The following EPHB1 variants were observed in gnomAD, a reference collection of about 807,000 sequenced individuals.
The protein encoded by EPHB1 is ephrin type-B receptor 1.
EPHB1 carries 30 observed loss-of-function variants against 94.4 expected under a neutral mutation model. The ratio of observed to expected loss-of-function variants is 0.32; its 90% CI spans 0.24 to 0.43. EPHB1 has a LOEUF of 0.43. Among genes scored for constraint, EPHB1 ranks in the 20% least tolerant of loss-of-function variants. The probability of loss-of-function intolerance (pLI) is 1.00; values close to 1 mark genes in which losing one functional copy is unlikely to be tolerated. For synonymous variants in EPHB1, 522 were observed against 489.1 expected (o/e 1.07, Z -0.89); for missense variants, 1,055 against 1,308.3 (o/e 0.81, Z 2.99).
intron 3 of EPHB1, among the ~76,000 whole-genome samples, chr3:134,994,934 A>G (rs997519642): frequency 6.6e-6 from 1 of 152,040 alleles, no homozygotes; most frequent in Non-Finnish European, 1.5e-5. Flanking sequence ...CAGGAAATTA[A>G]CTTTGATACA....
At chr3:135,147,800 G>A (rs544944482) in intron 5 of EPHB1, among the ~76,000 whole-genome samples, 10 of 152,326 alleles carry the variant, frequency 6.6e-5, no homozygotes, top group Admixed American at 5.9e-4. Flanking sequence ...GGCAGAGGCA[G>A]CTCAGCTGTG....
At chr3:134,829,873 G>A (rs2036549707) in intron 1 of EPHB1, among the ~76,000 whole-genome samples, 1 of 152,180 alleles carries the variant, frequency 6.6e-6, no homozygotes, top group South Asian at 2.1e-4. Context: ...TCAGAGTGAT[G>A]TGTCTGTGAG....
chr3:134,877,103 G>C (rs560335783), intron 1 of EPHB1, among the ~76,000 whole-genome samples: 5 of 152,274 alleles, frequency 3.3e-5, no homozygotes, highest in Admixed American at 2.0e-4. Flanking sequence ...GCAGAGTCTG[G>C]AGTTAGATGG....
intron 12 of EPHB1, among the ~76,000 whole-genome samples, chr3:135,202,015 G>T (rs188435903): frequency 6.6e-6 from 1 of 152,154 alleles, no homozygotes; most frequent in African/African-American, 2.4e-5. Context: ...AGAGGCATCT[G>T]TCAGCAGAGA....
intron 3 of EPHB1, among the ~76,000 whole-genome samples, chr3:135,099,031 A>G (rs2107795540): frequency 6.6e-6 from 1 of 151,728 alleles, no homozygotes; most frequent in South Asian, 2.1e-4. Flanking sequence ...AAAAAAAAAA[A>G]AAAAAAAGGG....
At chr3:135,257,156 G>A (rs1158710090) in intron 15 of EPHB1, among the ~76,000 whole-genome samples, 1 of 151,402 alleles carries the variant, frequency 6.6e-6, no homozygotes, top group Non-Finnish European at 1.5e-5. Flanking sequence ...TTTGCCTTTG[G>A]TTTGAATGTC....
intron 1 of EPHB1, among the ~76,000 whole-genome samples, chr3:134,877,085 C>T (rs1364662011): frequency 6.6e-6 from 1 of 152,190 alleles, no homozygotes; most frequent in African/African-American, 2.4e-5. Flanking sequence ...TAAATAGAGC[C>T]ATGCTGAGCA....
chr3:134,837,354 A>C (rs1260952855), intron 1 of EPHB1, among the ~76,000 whole-genome samples: 1 of 152,254 alleles, frequency 6.6e-6, no homozygotes, highest in Non-Finnish European at 1.5e-5. Flanking sequence ...GTTGAAATTA[A>C]TTTTAAACAT....
At chr3:135,032,527 G>A (rs765211688) in intron 3 of EPHB1, among the ~76,000 whole-genome samples, 1 of 151,984 alleles carries the variant, frequency 6.6e-6, no homozygotes, top group Non-Finnish European at 1.5e-5. Flanking sequence ...TGTTACCTCA[G>A]ACTGAGGGCT....
intron 3 of EPHB1, among the ~76,000 whole-genome samples, chr3:135,038,255 C>A (rs1441225399): frequency 7.9e-5 from 12 of 152,274 alleles, no homozygotes; most frequent in Middle Eastern, 3.4e-3. Flanking sequence ...AGAGATGGTG[C>A]CCATTTCTCC....
At chr3:134,959,707 A>G (rs899679175) in intron 3 of EPHB1, among the ~76,000 whole-genome samples, 6 of 152,142 alleles carry the variant, frequency 3.9e-5, no homozygotes, top group Non-Finnish European at 7.4e-5. Context: ...ACAGCCCCTC[A>G]GAGGGCAATC....
chr3:134,847,978 G>A lies in EPHB1; in HGVS notation c.58+52289G>A, dbSNP rs116625528. 5.8e-3 allele frequency among the ~76,000 whole-genome samples: 881 copies of A among 152,232 alleles called. 9 individuals are homozygous for A. Among genetic ancestry groups the A allele is most frequent in the African/African-American group, 0.02 (838 of 41,520 alleles). ...TGTTCATTAGGAACCTTTAATTAAC[G>A]AACCTTTGCATTTCAGAGAGATGCA... On this transcript the variant is annotated intron_variant, in intron 1 of 15. Coordinates refer to ENST00000398015, the MANE Select transcript of EPHB1 (RefSeq NM_004441.5).
intron 4 of EPHB1, among the ~76,000 whole-genome samples, chr3:135,118,153 C>T (rs1939788633): frequency 6.6e-6 from 1 of 152,180 alleles, no homozygotes; most frequent in African/African-American, 2.4e-5. Flanking sequence ...GGGACAGGGT[C>T]TGCATGAGGC....
chr3:134,929,316 G>A (rs1287528620), intron 2 of EPHB1, among the ~76,000 whole-genome samples: 2 of 152,200 alleles, frequency 1.3e-5, no homozygotes, highest in Non-Finnish European at 2.9e-5. Context: ...GGCATGTGGA[G>A]TCCAGGTAGC....
intron 1 of EPHB1, among the ~76,000 whole-genome samples, chr3:134,821,373 A>AT (rs1295633950): frequency 6.6e-6 from 1 of 152,182 alleles, no homozygotes; most frequent in Non-Finnish European, 1.5e-5. Context: ...CCATCACAGG[A>AT]TTTTTAAAGT....
Position 135,249,403 on chromosome 3 carries a change from C to T in EPHB1, c.2758C>T (p.Leu920Phe). 6.2e-7 allele frequency: 1 copy of T among 1,614,044 alleles called. No homozygotes were observed. Among genetic ancestry groups the T allele is most frequent in the South Asian group, 1.1e-5 (1 of 91,086 alleles). ...FTAFTTVDDWLSAIKMVQYRD... is the reference protein window; with the variant it reads ...FTAFTTVDDWFSAIKMVQYRD... ...GGCCTTTACCACCGTGGATGACTGGCTCAGCGCCATCAAAATGGTCCAGTA... is the reference window on the plus strand; with the variant it reads ...GGCCTTTACCACCGTGGATGACTGGTTCAGCGCCATCAAAATGGTCCAGTA... The change falls in exon 15 of 16, where the codon CTC (leucine) becomes TTC (phenylalanine). Residue 920 changes from leucine (L) to phenylalanine (F), a missense_variant. Physicochemically the swap from Leu to Phe is conservative, Grantham distance 22. Transcript: ENST00000398015.
intron 5 of EPHB1, among the ~76,000 whole-genome samples, chr3:135,148,780 A>G (rs1401310636): frequency 6.6e-6 from 1 of 152,190 alleles, no homozygotes; most frequent in Non-Finnish European, 1.5e-5. Flanking sequence ...TTTGGTGGCA[A>G]AAACAGAGAC....
intron 3 of EPHB1, among the ~76,000 whole-genome samples, chr3:135,023,766 CTAGTTTT>C (rs139164102): frequency 0.022 from 3,351 of 152,176 alleles, 58 homozygotes; most frequent in South Asian, 0.051. Flanking sequence ...GTTTTTACTT[CTAGTTTT>C]TATGGTATTT....
intron 1 of EPHB1, among the ~76,000 whole-genome samples, chr3:134,909,654 A>T (rs2038411672): frequency 6.6e-6 from 1 of 152,208 alleles, no homozygotes. Flanking sequence ...TCAGTTCAGA[A>T]GGAAGAGAAC....
Sources: gnomAD v4.1 joint callset for allele counts (sites outside exome capture counted in the v4.1 genomes callset) on GRCh38, gnomAD v4.1.1 for gene constraint, MANE v1.5 for transcripts, NCBI Gene and HGNC (gene_info 2026-07-23, HGNC 2026-07-21) for gene names.